The following ZRANB3 variants were observed in gnomAD, a reference collection of about 807,000 sequenced individuals.
ZRANB3 encodes the protein DNA annealing helicase and endonuclease ZRANB3.
A neutral mutation model predicts 133.8 loss-of-function variants in ZRANB3; 125 were observed. That is an observed-to-expected ratio of 0.93 (90% CI 0.81 to 1.08). ZRANB3 has a LOEUF of 1.08. ZRANB3 is among the 50% of genes least tolerant of loss of function. The pLI, the probability that ZRANB3 is intolerant of heterozygous loss-of-function variation, is 0.00. For synonymous variants in ZRANB3, 387 were observed against 432.7 expected, an observed-to-expected ratio of 0.89 and a Z score of 1.31; for missense variants, 1,229 against 1,275.5, an observed-to-expected ratio of 0.96 and a Z score of 0.56.
intron 1 of ZRANB3, among the ~76,000 whole-genome samples, chr2:135,525,014 TA>T (rs1694094378): frequency 6.6e-6 from 1 of 151,900 alleles, no homozygotes; most frequent in Non-Finnish European, 1.5e-5. Flanking sequence ...TTAGAAGCTA[TA>T]AAAAAAGATG....
intron 3 of ZRANB3, among the ~76,000 whole-genome samples, chr2:135,368,345 AAATAATG>A (rs1488028006): frequency 7.2e-5 from 11 of 152,064 alleles, no homozygotes; most frequent in Non-Finnish European, 1.5e-4. Context: ...AATAAACAAT[AAATAATG>A]AAAGTTAGTT....
intron 2 of ZRANB3, among the ~76,000 whole-genome samples, chr2:135,405,465 C>T (rs575821212): frequency 1.8e-4 from 27 of 152,250 alleles, no homozygotes; most frequent in African/African-American, 5.8e-4. Context: ...CTGCACCAAG[C>T]GGACCTAATA....
rs138689596 is a variant in ZRANB3, at chr2:135,434,072, G to A, written c.162-43252C>T. Among the ~76,000 whole-genome samples, 452 of 152,316 alleles carry A rather than the reference G, an allele frequency of 3.0e-3. 3 individuals carry two copies. The highest frequency in any genetic ancestry group is 0.01 in the African/African-American group (421 of 41,560). On this transcript the variant is annotated intron_variant, in intron 2 of 20. Coordinates refer to ENST00000264159, the MANE Select transcript of ZRANB3 (RefSeq NM_032143.4). The stretch of plus-strand genomic sequence containing the variant: ...GGATGCTCGGGAGGCTGAGGCAGGA[G>A]AATCGCTTGAACCCAGGAGGCACGG...
intron 1 of ZRANB3, among the ~76,000 whole-genome samples, chr2:135,509,958 A>T (rs1293085077): frequency 6.6e-6 from 1 of 152,180 alleles, no homozygotes; most frequent in Non-Finnish European, 1.5e-5. Flanking sequence ...TCGTGATCCA[A>T]TATCAAAAGA....
chr2:135,364,355 G>C (rs1378325622), intron 3 of ZRANB3, among the ~76,000 whole-genome samples: 1 of 152,122 alleles, frequency 6.6e-6, no homozygotes, highest in African/African-American at 2.4e-5. Context: ...CATTTCTGGG[G>C]TATCTGGTTT....
chr2:135,271,676 G>C, intron 10 of ZRANB3, 92 bp downstream of exon 10: 1 of 1,413,972 alleles, frequency 7.1e-7, no homozygotes, highest in Non-Finnish European at 9.4e-7. Flanking sequence ...CAGATACAAA[G>C]TTACAAGTTT....
At chr2:135,403,420 T>C (rs1260531763) in intron 2 of ZRANB3, among the ~76,000 whole-genome samples, 1 of 152,172 alleles carries the variant, frequency 6.6e-6, no homozygotes. Flanking sequence ...GCGCCCGCCA[T>C]TGCGGAGGCT....
chr2:135,431,124 T>A (rs964391372), intron 2 of ZRANB3, among the ~76,000 whole-genome samples: 23 of 145,764 alleles, frequency 1.6e-4, no homozygotes, highest in African/African-American at 3.5e-4. Flanking sequence ...AAAAAAAAAA[T>A]AAATAAATAA....
At chr2:135,295,483 G>A (rs1682014556) in intron 8 of ZRANB3, among the ~76,000 whole-genome samples, 2 of 152,170 alleles carry the variant, frequency 1.3e-5, no homozygotes, top group African/African-American at 4.8e-5. Context: ...CTGCACATGA[G>A]ATGGGTTTCC....
At chr2:135,518,622 T>C (rs1693795656) in intron 1 of ZRANB3, among the ~76,000 whole-genome samples, 1 of 152,148 alleles carries the variant, frequency 6.6e-6, no homozygotes, top group African/African-American at 2.4e-5. Context: ...ATGAGCCAAG[T>C]ACCTCAATTG....
At chr2:135,319,894 A>C (rs2104832509) in intron 6 of ZRANB3, among the ~76,000 whole-genome samples, 1 of 152,360 alleles carries the variant, frequency 6.6e-6, no homozygotes, top group South Asian at 2.1e-4. Flanking sequence ...ATATGAGAAG[A>C]GGAAGATGTG....
At chr2:135,360,637 G>A (rs933366612) in intron 3 of ZRANB3, among the ~76,000 whole-genome samples, 4 of 152,152 alleles carry the variant, frequency 2.6e-5, no homozygotes, top group African/African-American at 2.4e-5. Context: ...CCCGGGAAGC[G>A]GAGCTTGCAG....
chr2:135,200,475 G>T, intron 20 of ZRANB3, 35 bp from the exon 21 acceptor site: 1 of 1,509,272 alleles, frequency 6.6e-7, no homozygotes, highest in East Asian at 2.3e-5. Context: ...GTACACGTTA[G>T]GAAAAAAGCA....
Position 135,253,695 on chromosome 2 carries a change from T to C in ZRANB3, c.1539+11839A>G, listed in dbSNP as rs150559769. Among the ~76,000 whole-genome samples, 17 of 152,332 alleles carry C rather than the reference T, an allele frequency of 1.1e-4. No individual in the cohort carries two copies. In the East Asian group the frequency reaches 3.1e-3, roughly 28 times the overall value. On this transcript the variant is annotated intron_variant, in intron 12 of 20. Coordinates refer to ENST00000264159, the MANE Select transcript of ZRANB3 (RefSeq NM_032143.4). Reference sequence around the variant, plus strand: ...ATCTAAACATAGAAAGGGTAATACATTGTGCTACCATGTTACTATGGCTAC... The same window carrying C: ...ATCTAAACATAGAAAGGGTAATACACTGTGCTACCATGTTACTATGGCTAC...
chr2:135,519,280 G>C (rs1005296175), intron 1 of ZRANB3, among the ~76,000 whole-genome samples: 6 of 151,822 alleles, frequency 4.0e-5, no homozygotes, highest in African/African-American at 1.5e-4. Context: ...GTATCTCTCC[G>C]CATTATTTCT....
At chr2:135,358,843 C>T (rs760214864) in intron 3 of ZRANB3, among the ~76,000 whole-genome samples, 4 of 151,964 alleles carry the variant, frequency 2.6e-5, no homozygotes, top group Non-Finnish European at 4.4e-5. Context: ...CAAGCAGATA[C>T]GAAAGTGTGG....
chr2:135,286,734 T>G (rs534118011), intron 8 of ZRANB3, among the ~76,000 whole-genome samples: 2 of 152,330 alleles, frequency 1.3e-5, no homozygotes, highest in African/African-American at 4.8e-5. Context: ...TGTCTATTCA[T>G]GTCCTTAGCC....
chr2:135,278,697 C>A (rs1558882173), intron 8 of ZRANB3, among the ~76,000 whole-genome samples: 1 of 151,926 alleles, frequency 6.6e-6, no homozygotes, highest in African/African-American at 2.4e-5. Flanking sequence ...ACACAGAAAA[C>A]TAATAAAAGA....
At position 135,265,669 on chromosome 2, in the gene ZRANB3, GCTCC is replaced by G; in HGVS notation, c.1400_1403del (p.Gly467AlafsTer3). 1 of 1,613,242 alleles carries G rather than the reference GCTCC, an allele frequency of 6.2e-7. No homozygotes were observed. Among genetic ancestry groups the G allele is most frequent in the Non-Finnish European group, 8.5e-7 (1 of 1,179,572 alleles). ...TTTTTTCTTTCCTACCGTTCAGTGT[GCTCC>G]CTGTAACTTGAGCCTACAAGAGGAA... On this transcript the variant is annotated frameshift_variant, in exon 12 of 21. Coordinates refer to ENST00000264159, the MANE Select transcript of ZRANB3 (RefSeq NM_032143.4). LOFTEE classifies it high-confidence loss of function.
Sources: allele counts gnomAD v4.1 joint callset (sites outside exome capture counted in the v4.1 genomes callset), GRCh38; gene constraint gnomAD v4.1.1; transcripts MANE v1.5; gene names NCBI Gene and HGNC (gene_info 2026-07-23, HGNC 2026-07-21).